BCL2: variants seen among roughly 807,000 people sequenced by gnomAD.
The protein encoded by BCL2 is BCL2 apoptosis regulator.
BCL2 carries 1 observed loss-of-function variant against 14.2 expected under a neutral mutation model. The ratio of observed to expected loss-of-function variants is 0.07; its 90% CI spans 0.02 to 0.33. The LOEUF is 0.33. BCL2 is among the 10% of genes least tolerant of loss of function. The pLI is 0.99. For missense variants in BCL2, 247 were observed against 305.9 expected (o/e 0.81, Z 1.44); for synonymous variants, 151 against 137.2 (o/e 1.10, Z -0.70).
chr18:63,183,035 C>G (rs1181401861), intron 2 of BCL2, among the ~76,000 whole-genome samples: 1 of 152,228 alleles, frequency 6.6e-6, no homozygotes, highest in Non-Finnish European at 1.5e-5. Flanking sequence ...ACTGACGAAT[C>G]TCTGTCAATG....
chr18:63,239,087 T>C (rs773150756), intron 2 of BCL2, among the ~76,000 whole-genome samples: 1 of 152,240 alleles, frequency 6.6e-6, no homozygotes, highest in Non-Finnish European at 1.5e-5. Context: ...TCCAATATTA[T>C]GTTCCTTCAG....
At chr18:63,253,752 C>G (rs1911383930) in intron 2 of BCL2, among the ~76,000 whole-genome samples, 2 of 151,648 alleles carry the variant, frequency 1.3e-5, no homozygotes, top group Non-Finnish European at 1.5e-5. Context: ...TTGGGATTCC[C>G]CAGTATATTA....
intron 2 of BCL2, among the ~76,000 whole-genome samples, chr18:63,222,135 A>T (rs1910408013): frequency 6.6e-6 from 1 of 152,086 alleles, no homozygotes; most frequent in Non-Finnish European, 1.5e-5. Context: ...TTAGCCAGGC[A>T]TACTGGCATA....
intron 2 of BCL2, chr18:63,151,421 C>A (rs1023781372): frequency 2.1e-5 from 3 of 145,714 alleles, no homozygotes; most frequent in Non-Finnish European, 4.4e-5. Flanking sequence ...GTCCTGGTGG[C>A]AGAAGGGGTG....
chr18:63,172,148 G>A (rs1008898379), intron 2 of BCL2, among the ~76,000 whole-genome samples: 4 of 152,184 alleles, frequency 2.6e-5, no homozygotes, highest in Non-Finnish European at 5.9e-5. Flanking sequence ...GCTTAGCATG[G>A]TCTTATGTAT....
rs1599219792 is a variant in BCL2, at chr18:63,166,758, T to C, written c.586-37999A>G. Among the ~76,000 whole-genome samples the C allele has an allele frequency of 3.3e-5, 5 of 152,308 alleles. 1 individual carries two copies. The highest frequency in any genetic ancestry group is 6.8e-3 in the Middle Eastern group (2 of 294). ...TATCACATAGGTTAAGTTTGGTTAG[T>C]AAAACATTAATGATTGCAGCATTAG... On this transcript the variant is annotated intron_variant, in intron 2 of 2. Coordinates refer to ENST00000333681, the MANE Select transcript of BCL2 (RefSeq NM_000633.3).
At chr18:63,263,156 G>A (rs1911710714) in intron 2 of BCL2, among the ~76,000 whole-genome samples, 1 of 152,210 alleles carries the variant, frequency 6.6e-6, no homozygotes, top group South Asian at 2.1e-4. Flanking sequence ...CCTATCCCCA[G>A]ACATGTGGAA....
At chr18:63,310,604 G>A (rs756200896) in intron 2 of BCL2, among the ~76,000 whole-genome samples, 2 of 152,046 alleles carry the variant, frequency 1.3e-5, no homozygotes, top group Non-Finnish European at 2.9e-5. Flanking sequence ...ACATTTTTTC[G>A]CTTAACTAAA....
intron 2 of BCL2, among the ~76,000 whole-genome samples, chr18:63,274,833 C>T (rs1404286487): frequency 6.6e-6 from 1 of 152,088 alleles, no homozygotes; most frequent in Non-Finnish European, 1.5e-5. Context: ...TATTCGGTGA[C>T]CTGATGGGTA....
intron 2 of BCL2, among the ~76,000 whole-genome samples, chr18:63,310,703 C>T (rs1413737420): frequency 6.6e-6 from 1 of 152,172 alleles, no homozygotes; most frequent in Non-Finnish European, 1.5e-5. Context: ...TCCTAAATAA[C>T]CAGATTCTAA....
At chr18:63,134,662 G>T (rs981685328) in intron 2 of BCL2, among the ~76,000 whole-genome samples, 1 of 152,198 alleles carries the variant, frequency 6.6e-6, no homozygotes, top group Non-Finnish European at 1.5e-5. Context: ...AATTCTAAGG[G>T]AGAAAAGCCA....
chr18:63,133,448 G>A (rs192480800), intron 2 of BCL2, among the ~76,000 whole-genome samples: 65 of 147,052 alleles, frequency 4.4e-4, no homozygotes, highest in African/African-American at 1.4e-3. Context: ...CCTCTACTAC[G>A]CCCGGCTAAT....
rs144757844 is a variant in BCL2 at position 63,134,551 on chromosome 18, A to G, written c.586-5792T>C. Among the ~76,000 whole-genome samples, 585 of 152,332 alleles carry G rather than the reference A, an allele frequency of 3.8e-3. 3 individuals carry two copies. The highest frequency in any genetic ancestry group is 0.013 in the African/African-American group (538 of 41,556). ...GTTCTCAGCTCTCTATATACTGGGG[A>G]AATTTAATATGGCTTGGCTGGCTAT... On this transcript the variant is annotated intron_variant, in intron 2 of 2. Transcript: ENST00000333681.
chr18:63,292,792 T>C (rs2144270846), intron 2 of BCL2, among the ~76,000 whole-genome samples: 1 of 152,270 alleles, frequency 6.6e-6, no homozygotes, highest in Non-Finnish European at 1.5e-5. Context: ...GGAAACCCTG[T>C]GAAGAAAGTG....
At chr18:63,155,386 G>A (rs985677215) in intron 2 of BCL2, among the ~76,000 whole-genome samples, 2 of 152,134 alleles carry the variant, frequency 1.3e-5, no homozygotes, top group African/African-American at 2.4e-5. Flanking sequence ...GATGAGTCAC[G>A]AGACAGGACG....
intron 2 of BCL2, among the ~76,000 whole-genome samples, chr18:63,191,228 T>C (rs1403166106): frequency 6.6e-6 from 1 of 152,224 alleles, no homozygotes; most frequent in Non-Finnish European, 1.5e-5. Context: ...AGTAATGGGA[T>C]TGATGGCTCA....
At chr18:63,156,513 C>T (rs1170307257) in intron 2 of BCL2, among the ~76,000 whole-genome samples, 1 of 152,174 alleles carries the variant, frequency 6.6e-6, no homozygotes, top group Admixed American at 6.5e-5. Context: ...CCATGGAGAA[C>T]CACTGCCTTA....
intron 2 of BCL2, among the ~76,000 whole-genome samples, chr18:63,212,284 T>C (rs531395927): frequency 4.0e-5 from 6 of 151,270 alleles, no homozygotes; most frequent in South Asian, 2.1e-4. Context: ...GCCAAGAGCA[T>C]GCCACTGCAC....
chr18:63,185,412 A>T (rs1490679362), intron 2 of BCL2, among the ~76,000 whole-genome samples: 3 of 152,174 alleles, frequency 2.0e-5, no homozygotes, highest in Non-Finnish European at 4.4e-5. Context: ...CAGAGATGCT[A>T]AAAAAAGTGT....
Sources: allele counts gnomAD v4.1 joint callset (sites outside exome capture counted in the v4.1 genomes callset), GRCh38; gene constraint gnomAD v4.1.1; transcripts MANE v1.5; gene names NCBI Gene and HGNC (gene_info 2026-07-23, HGNC 2026-07-21).